Variants in IFNGR2 observed in about 807,000 individuals in gnomAD.
IFNGR2 encodes the protein interferon gamma receptor 2, also known as IFN-gamma receptor 2.
In IFNGR2, 15 loss-of-function variants were observed where a neutral mutation model predicts 41.1. The ratio of observed to expected loss-of-function variants is 0.37; its 90% confidence interval spans 0.24 to 0.56. The LOEUF is 0.56. Ranked by LOEUF, IFNGR2 falls within the 20% of genes least tolerant of loss-of-function variation. The pLI, the probability that IFNGR2 is intolerant of heterozygous loss-of-function variation, is 0.81. For synonymous variants in IFNGR2, 161 were observed against 171.6 expected (o/e 0.94, Z 0.48); for missense variants, 362 against 415.7 (o/e 0.87, Z 1.12).
intron 1 of IFNGR2, among the ~76,000 whole-genome samples, chr21:33,408,503 T>C (rs940853386): frequency 2.0e-5 from 3 of 152,080 alleles, no homozygotes; most frequent in African/African-American, 7.2e-5. Context: ...GCCCCTCCTA[T>C]TCCTAAATAT....
chr21:33,429,350 TC>T (rs971375778), intron 4 of IFNGR2, among the ~76,000 whole-genome samples: 2 of 9,224 alleles, frequency 2.2e-4, no homozygotes, highest in African/African-American at 1.0e-3. Flanking sequence ...CACTCTGATT[TC>T]GTTTTGAGAC....
intron 4 of IFNGR2, 49 bp downstream of exon 4, chr21:33,427,081 C>T: frequency 1.3e-6 from 2 of 1,549,896 alleles, no homozygotes; most frequent in African/African-American, 2.7e-5. Flanking sequence ...TTTGCAGTTT[C>T]TGGCTTAGCA....
intron 1 of IFNGR2, among the ~76,000 whole-genome samples, chr21:33,405,430 A>C (rs2083670959): frequency 6.6e-6 from 1 of 152,128 alleles, no homozygotes; most frequent in African/African-American, 2.4e-5. Context: ...CTCTGCTTCC[A>C]CTTGGCTTCA....
intron 4 of IFNGR2, among the ~76,000 whole-genome samples, chr21:33,428,895 C>T (rs1320731134): frequency 6.6e-6 from 1 of 152,162 alleles, no homozygotes; most frequent in Non-Finnish European, 1.5e-5. Flanking sequence ...ACTGAGTCAG[C>T]CCCCAGAGGG....
upstream of IFNGR2, chr21:33,403,369 G>T: frequency 5.1e-6 from 1 of 197,606 alleles, no homozygotes; most frequent in South Asian, 1.6e-4. Flanking sequence ...GGGGGCGGGG[G>T]CGCGGGCGGC....
At chr21:33,414,469 G>A (rs561851559) in intron 1 of IFNGR2, among the ~76,000 whole-genome samples, 2 of 152,302 alleles carry the variant, frequency 1.3e-5, no homozygotes, top group African/African-American at 4.8e-5. Flanking sequence ...GTTAATCTTC[G>A]CCACAGCCCT....
chr21:33,403,734 A>G, intron 1 of IFNGR2, 118 bp downstream of exon 1: 1 of 584,888 alleles, frequency 1.7e-6, no homozygotes, highest in South Asian at 5.7e-5. Flanking sequence ...GTGGGTGGGA[A>G]TCTGCGGGGT....
At chr21:33,416,925 C>CT (rs554788768) in intron 2 of IFNGR2, among the ~76,000 whole-genome samples, 4,238 of 128,182 alleles carry the variant, frequency 0.033, 181 homozygotes, top group African/African-American at 0.091. Flanking sequence ...TTTTCTTTTT[C>CT]TTTTTTTTTT....
chr21:33,411,409 G>C (rs918086404), intron 1 of IFNGR2: 4 of 470,470 alleles, frequency 8.5e-6, no homozygotes, highest in Non-Finnish European at 1.8e-5. Context: ...AAGGGAAGTC[G>C]GGAAGAAGAG....
At chr21:33,419,159 G>A (rs1338807031) in intron 2 of IFNGR2, among the ~76,000 whole-genome samples, 1 of 152,144 alleles carries the variant, frequency 6.6e-6, no homozygotes, top group Non-Finnish European at 1.5e-5. Flanking sequence ...AGGCTGGACT[G>A]CAGTGGCGTG....
At chr21:33,421,048 T>A (rs1314537794) in intron 2 of IFNGR2, among the ~76,000 whole-genome samples, 2 of 146,588 alleles carry the variant, frequency 1.4e-5, no homozygotes, top group Non-Finnish European at 3.0e-5. Context: ...AATATAAAAA[T>A]TAACCAGGCA....
Position 33,413,988 on chromosome 21 carries a change from G to A in IFNGR2, c.74-900G>A, listed in dbSNP as rs975455346. Among the ~76,000 whole-genome samples the A allele has an allele frequency of 1.2e-4, 18 of 151,600 alleles. 1 individual carries two copies. Among genetic ancestry groups the A allele is most frequent in the Non-Finnish European group, 7.4e-5 (5 of 67,906 alleles). On this transcript the variant is annotated intron_variant, in intron 1 of 6. Coordinates refer to ENST00000290219, the MANE Select transcript of IFNGR2 (RefSeq NM_005534.4). The stretch of plus-strand genomic sequence containing the variant: ...GCTGGGATTACAGGCGCTCACCACC[G>A]CACCTGGCTAACTTTTATATTTTTA...
At chr21:33,429,297 C>G (rs1205060709) in intron 4 of IFNGR2, among the ~76,000 whole-genome samples, 3 of 151,944 alleles carry the variant, frequency 2.0e-5, no homozygotes, top group African/African-American at 7.3e-5. Context: ...CCAAGACCCA[C>G]CCTAGATCGC....
chr21:33,423,511 G>T (rs1419064398), intron 3 of IFNGR2, among the ~76,000 whole-genome samples: 1 of 151,116 alleles, frequency 6.6e-6, no homozygotes, highest in East Asian at 2.0e-4. Flanking sequence ...TCCCTCCCGG[G>T]TTCAAGTGAG....
At chr21:33,407,851 C>T (rs1034497070) in intron 1 of IFNGR2, among the ~76,000 whole-genome samples, 12 of 141,946 alleles carry the variant, frequency 8.5e-5, no homozygotes, top group South Asian at 4.9e-4. Context: ...ACCGCACCCC[C>T]CCCCGCCAAC....
At position 33,413,090 on chromosome 21, in the gene IFNGR2, G is replaced by A. The variant is rs193161459; in HGVS notation, c.74-1798G>A. On this transcript the variant is annotated intron_variant, in intron 1 of 6. Transcript: ENST00000290219. ...TTGTGGAAATTTCTCTGCATAGTTC[G>A]GATGCTATTCAGATCTGTCTGTGTG... Among the ~76,000 whole-genome samples, 37 of 152,232 alleles carry A rather than the reference G, an allele frequency of 2.4e-4. No homozygotes were observed. The East Asian group carries it at 4.4e-3, about 18-fold the overall frequency.
At chr21:33,421,805 G>T in intron 3 of IFNGR2, 120 bp downstream of exon 3, 1 of 829,428 alleles carries the variant, frequency 1.2e-6, no homozygotes, top group Non-Finnish European at 2.1e-6. Flanking sequence ...CAAATGGGTA[G>T]GACAGTCAAA....
chr21:33,433,176 G>T (rs1250821869), intron 6 of IFNGR2, among the ~76,000 whole-genome samples: 26 of 152,158 alleles, frequency 1.7e-4, no homozygotes, highest in Non-Finnish European at 2.2e-4. Flanking sequence ...GGGAGCCACT[G>T]CGCCCGGCCA....
At chr21:33,412,812 C>T (rs2083726604) in intron 1 of IFNGR2, among the ~76,000 whole-genome samples, 1 of 152,200 alleles carries the variant, frequency 6.6e-6, no homozygotes, top group African/African-American at 2.4e-5. Flanking sequence ...ACCTCAGCGT[C>T]CCAAAGTGCT....
Sources: gnomAD v4.1 joint callset for allele counts (sites outside exome capture counted in the v4.1 genomes callset) on GRCh38, gnomAD v4.1.1 for gene constraint, MANE v1.5 for transcripts, NCBI Gene and HGNC (gene_info 2026-07-23, HGNC 2026-07-21) for gene names.